Variants in PTPN11 observed in about 807,000 individuals in gnomAD.
PTPN11 encodes protein tyrosine phosphatase non-receptor type 11.
PTPN11 carries 6 observed loss-of-function variants against 78.8 expected under a neutral mutation model. That is an observed-to-expected ratio of 0.08 (90% CI 0.04 to 0.15). PTPN11 has a LOEUF of 0.15. Ranked by LOEUF, PTPN11 falls within the 10% of genes least tolerant of loss-of-function variation. The probability of loss-of-function intolerance (pLI) is 1.00; values close to 1 mark genes in which losing one functional copy is unlikely to be tolerated. For missense variants in PTPN11, 386 were observed against 744.8 expected (o/e 0.52, Z 5.61); for synonymous variants, 221 against 263.5 (o/e 0.84, Z 1.56).
chr12:112,434,414 C>G (rs1396802286), intron 1 of PTPN11, among the ~76,000 whole-genome samples: 1 of 152,002 alleles, frequency 6.6e-6, no homozygotes. Flanking sequence ...TCAAGACCAT[C>G]CTGGCCAACA....
intron 6 of PTPN11, among the ~76,000 whole-genome samples, chr12:112,464,158 C>T (rs2038290715): frequency 6.6e-6 from 1 of 152,186 alleles, no homozygotes; most frequent in African/African-American, 2.4e-5. Flanking sequence ...GGTAATTTAA[C>T]TCTGATTTGT....
chr12:112,445,511 C>T (rs571635062), intron 1 of PTPN11, among the ~76,000 whole-genome samples: 2 of 152,260 alleles, frequency 1.3e-5, no homozygotes, highest in South Asian at 4.1e-4. Context: ...GCACTAATAC[C>T]TCCAATTACA....
chr12:112,476,802 A>T (rs1483715854), intron 7 of PTPN11, among the ~76,000 whole-genome samples: 1 of 152,046 alleles, frequency 6.6e-6, no homozygotes, highest in East Asian at 1.9e-4. Flanking sequence ...CAACAACAAC[A>T]ACAAAAACCC....
intron 14 of PTPN11, among the ~76,000 whole-genome samples, chr12:112,502,722 G>A (rs1385570529): frequency 1.3e-5 from 2 of 152,114 alleles, no homozygotes; most frequent in African/African-American, 4.8e-5. Flanking sequence ...ACTCCAGCCT[G>A]GGCGATAGAG....
At chr12:112,467,579 C>G (rs1476935913) in intron 6 of PTPN11, among the ~76,000 whole-genome samples, 1 of 152,176 alleles carries the variant, frequency 6.6e-6, no homozygotes, top group African/African-American at 2.4e-5. Context: ...ACTGCAGCCT[C>G]TGCCTCCCAG....
chr12:112,455,247 T>G (rs1162670219), intron 5 of PTPN11, among the ~76,000 whole-genome samples: 1 of 149,328 alleles, frequency 6.7e-6, no homozygotes, highest in Non-Finnish European at 1.5e-5. Context: ...TTTTTTTTTT[T>G]TTTTTTGAGA....
Position 112,467,208 on chromosome 12 carries a change from TG to T in PTPN11, c.757-5735del, listed in dbSNP as rs2038342423. The stretch of plus-strand genomic sequence containing the variant: ...TCAGTAGTGCCGTTGGGTACTCACA[TG>T]TACAACATGGATCAGGACATTGACT... On this transcript the variant is annotated intron_variant, in intron 6 of 15. Transcript: ENST00000351677. 2.0e-5 allele frequency among the ~76,000 whole-genome samples: 3 copies of T among 152,324 alleles called. No individual in the cohort carries two copies. In the South Asian group the frequency reaches 6.2e-4, roughly 32 times the overall value.
chr12:112,474,940 G>GT (rs1038519498), intron 7 of PTPN11, among the ~76,000 whole-genome samples: 1 of 151,798 alleles, frequency 6.6e-6, no homozygotes, highest in African/African-American at 2.4e-5. Context: ...TATATCTTCT[G>GT]TAACACCCAA....
chr12:112,430,752 G>T (rs541414524), intron 1 of PTPN11, among the ~76,000 whole-genome samples: 137 of 150,884 alleles, frequency 9.1e-4, no homozygotes, highest in African/African-American at 3.2e-3. Context: ...TTTTTTTTTG[G>T]TGGAGATGCG....
intron 13 of PTPN11, among the ~76,000 whole-genome samples, chr12:112,496,446 C>T (rs948740000): frequency 3.3e-5 from 5 of 152,178 alleles, no homozygotes; most frequent in African/African-American, 1.2e-4. Flanking sequence ...GGAATCACTG[C>T]TTCTAGGCCC....
At chr12:112,433,617 A>G (rs896784123) in intron 1 of PTPN11, among the ~76,000 whole-genome samples, 1 of 152,220 alleles carries the variant, frequency 6.6e-6, no homozygotes, top group South Asian at 2.1e-4. Flanking sequence ...TAGATTATGG[A>G]TGGCACATTC....
At chr12:112,491,702 G>A (rs1040690729) in intron 13 of PTPN11, among the ~76,000 whole-genome samples, 4 of 152,054 alleles carry the variant, frequency 2.6e-5, no homozygotes, top group East Asian at 3.9e-4. Flanking sequence ...TGGCTATAAT[G>A]TATCTTTTTT....
chr12:112,437,246 C>T (rs1475576730), intron 1 of PTPN11, among the ~76,000 whole-genome samples: 1 of 152,058 alleles, frequency 6.6e-6, no homozygotes, highest in East Asian at 1.9e-4. Flanking sequence ...TGCCTCCCGC[C>T]TCCCGGGTTC....
intron 1 of PTPN11, among the ~76,000 whole-genome samples, chr12:112,440,507 G>A (rs1027316475): frequency 1.4e-5 from 2 of 145,950 alleles, no homozygotes; most frequent in East Asian, 4.0e-4. Context: ...CTCGTGATCC[G>A]CCTGCCTCGG....
chr12:112,472,232 CCAGCCT>C (rs2038430171), intron 6 of PTPN11, among the ~76,000 whole-genome samples: 2 of 152,082 alleles, frequency 1.3e-5, no homozygotes, highest in African/African-American at 4.8e-5. Flanking sequence ...AAGTGATCCT[CCAGCCT>C]CAGCCTCTGG....
intron 6 of PTPN11, among the ~76,000 whole-genome samples, chr12:112,460,941 T>G (rs2038237605): frequency 6.6e-6 from 1 of 152,162 alleles, no homozygotes; most frequent in South Asian, 2.1e-4. Flanking sequence ...CTGTCTTTTC[T>G]GCTGTTGAAG....
intron 6 of PTPN11, among the ~76,000 whole-genome samples, chr12:112,471,712 T>A (rs553319549): frequency 6.7e-5 from 10 of 149,624 alleles, no homozygotes; most frequent in South Asian, 6.3e-4. Flanking sequence ...CCTGCTACCC[T>A]GGGAGAAAAA....
At chr12:112,426,422 A>G (rs1469241340) in intron 1 of PTPN11, among the ~76,000 whole-genome samples, 9 of 152,068 alleles carry the variant, frequency 5.9e-5, no homozygotes, top group African/African-American at 2.2e-4. Context: ...ACACCTGGGT[A>G]ATTTTTGTAT....
intron 10 of PTPN11, 92 bp from the exon 11 acceptor site, chr12:112,486,383 C>T: frequency 1.5e-6 from 2 of 1,314,668 alleles, no homozygotes; most frequent in South Asian, 2.4e-5. Context: ...TTCTCTTCCT[C>T]TCCATTGGAT....
Sources: gnomAD v4.1 joint callset for allele counts (sites outside exome capture counted in the v4.1 genomes callset) on GRCh38, gnomAD v4.1.1 for gene constraint, MANE v1.5 for transcripts, NCBI Gene and HGNC (gene_info 2026-07-23, HGNC 2026-07-21) for gene names.